SPTAN1: variants seen among roughly 807,000 people sequenced by gnomAD.
SPTAN1 encodes spectrin alpha chain, non-erythrocytic 1.
In SPTAN1, 61 loss-of-function variants were observed where a neutral mutation model predicts 331.3. The observed-to-expected ratio is 0.18, with a 90% confidence interval of 0.15 to 0.23. The LOEUF (loss-of-function observed/expected upper bound fraction) is 0.23, where lower values mean the gene tolerates loss of function less well. Ranked by LOEUF, SPTAN1 falls within the 10% of genes least tolerant of loss-of-function variation. The pLI, the probability that SPTAN1 is intolerant of heterozygous loss-of-function variation, is 1.00. For synonymous variants in SPTAN1, 1,153 were observed against 1,173.9 expected (o/e 0.98, Z 0.36); for missense variants, 2,043 against 3,147.9 (o/e 0.65, Z 8.40).
At chr9:128,555,355 C>T (rs1473360321) in intron 1 of SPTAN1, 1 of 1,289,498 alleles carries the variant, frequency 7.8e-7, no homozygotes, top group Non-Finnish European at 1.0e-6. Context: ...TTAGACTCCA[C>T]ATTCCTCCAT....
chr9:128,579,629 T>G lies in SPTAN1; in HGVS notation c.1222-8T>G. 6.2e-7 allele frequency: 1 copy of G among 1,612,378 alleles called. No homozygotes were observed. The highest frequency in any genetic ancestry group is 8.5e-7 in the Non-Finnish European group (1 of 1,178,410). Reference sequence around the variant, plus strand: ...CACAAATCATGGCTTTGTTTTTTTCTCCTGTAGGGTGAAATTGATGCCCAT... The same window carrying G: ...CACAAATCATGGCTTTGTTTTTTTCGCCTGTAGGGTGAAATTGATGCCCAT... On this transcript the variant is annotated splice_region_variant and splice_polypyrimidine_tract_variant and intron_variant, in intron 9 of 56. Transcript: ENST00000372739.
intron 45 of SPTAN1, chr9:128,622,152 T>G (rs1857952129): frequency 6.6e-6 from 1 of 152,198 alleles, no homozygotes; most frequent in Non-Finnish European, 1.5e-5. Flanking sequence ...GAAACTAATT[T>G]CAGCTACAGC....
At chr9:128,553,503 T>C (rs1455701370) in intron 1 of SPTAN1, 3 of 152,230 alleles carry the variant, frequency 2.0e-5, no homozygotes, top group Non-Finnish European at 4.4e-5. Flanking sequence ...CACTGTTGAA[T>C]GATAGAACAG....
At chr9:128,594,804 CT>C (rs10594067) in intron 24 of SPTAN1, among the ~76,000 whole-genome samples, 7,983 of 90,548 alleles carry the variant, frequency 0.088, 98 homozygotes, top group African/African-American at 0.099. Context: ...ATGTATGTAG[CT>C]TTTTTTTTTT....
At chr9:128,583,011 G>A in intron 14 of SPTAN1, 66 bp from the exon 15 acceptor site, 1 of 1,584,986 alleles carries the variant, frequency 6.3e-7, no homozygotes, top group South Asian at 1.1e-5. Context: ...TAAGTATGAA[G>A]GTAGTGCAAG....
rs1463600308 is a variant in SPTAN1, at chr9:128,625,509, G to T, written c.6070-260G>T. ...ACGGTCAGGGAGAGAGGCAGGGCGA[G>T]TGTTCTGGGCAGAGCTGGCAGGGAT... is the stretch of plus-strand genomic sequence containing the variant. On this transcript the variant is annotated intron_variant, in intron 47 of 56. Coordinates refer to ENST00000372739, the MANE Select transcript of SPTAN1 (RefSeq NM_001130438.3). This position sits in a 1 kb window ranked among gnomAD's most constrained non-coding sequence, Gnocchi z 4.1. Among the ~76,000 whole-genome samples the T allele has an allele frequency of 5.9e-5, 9 of 152,200 alleles. No homozygotes were observed. The highest frequency in any genetic ancestry group is 5.9e-4 in the Admixed American group (9 of 15,268).
At chr9:128,581,400 G>C (rs1236101090) in intron 11 of SPTAN1, among the ~76,000 whole-genome samples, 1 of 149,372 alleles carries the variant, frequency 6.7e-6, no homozygotes, top group Non-Finnish European at 1.5e-5. Flanking sequence ...TTGAGCCCAG[G>C]AGCTCAAGGC....
At chr9:128,562,224 T>C (rs1849459621) in intron 1 of SPTAN1, among the ~76,000 whole-genome samples, 1 of 152,154 alleles carries the variant, frequency 6.6e-6, no homozygotes, top group African/African-American at 2.4e-5. Context: ...TGCCTCAGCC[T>C]CCCGAGTAGC....
At position 128,617,578 on chromosome 9, in the gene SPTAN1, GT is replaced by G. The variant is rs1321877583; in HGVS notation, c.5358-61del. 3 of 1,610,706 alleles carry G rather than the reference GT, an allele frequency of 1.9e-6. No homozygotes were observed. In the African/African-American group the frequency reaches 4.0e-5, roughly 22 times the overall value. ...CTGTGAGGTCCACAGTTGACCTGAT[GT>G]CCCCACTTGAAAGCAGGGAGGTGCA... On this transcript the variant is annotated intron_variant, in intron 41 of 56. Coordinates refer to ENST00000372739, the MANE Select transcript of SPTAN1 (RefSeq NM_001130438.3).
rs145232600 is a variant in SPTAN1 at position 128,592,633 on chromosome 9, G to A, written c.3156-350G>A. 3.9e-5 allele frequency among the ~76,000 whole-genome samples: 6 copies of A among 152,318 alleles called. No homozygotes were observed. In the East Asian group the frequency reaches 5.8e-4, roughly 15 times the overall value. On this transcript the variant is annotated intron_variant, in intron 22 of 56. Coordinates refer to ENST00000372739, the MANE Select transcript of SPTAN1 (RefSeq NM_001130438.3). ...ATATAAGAGGAAAAAGATCAAATACGTGGCTAAATTGCCTGTTAGCACTCA... is the reference window on the plus strand; with the variant it reads ...ATATAAGAGGAAAAAGATCAAATACATGGCTAAATTGCCTGTTAGCACTCA...
intron 22 of SPTAN1, among the ~76,000 whole-genome samples, chr9:128,592,121 C>T (rs1389779549): frequency 6.6e-6 from 1 of 152,106 alleles, no homozygotes; most frequent in Non-Finnish European, 1.5e-5. Context: ...CAGTTTTGGA[C>T]ACTTGGGAAA....
intron 46 of SPTAN1, 83 bp downstream of exon 46, chr9:128,624,570 A>C: frequency 6.6e-7 from 1 of 1,524,934 alleles, no homozygotes; most frequent in Non-Finnish European, 8.9e-7. Flanking sequence ...TCTTCTGCAG[A>C]GAAGAAACTG....
chr9:128,595,529 T>A (rs1021630572), intron 24 of SPTAN1, among the ~76,000 whole-genome samples: 4 of 152,238 alleles, frequency 2.6e-5, no homozygotes, highest in Non-Finnish European at 4.4e-5. Flanking sequence ...TAAACTACAA[T>A]AGATGTGAAA....
rs769263723 is a variant in SPTAN1, at chr9:128,627,508, C to T, written c.6689+10C>T. ...GGATCCAAGAGACCAGGTGCCAGCC[C>T]GCTGGGGCCGGGGAGCAGCAGCATG... On this transcript the variant is annotated intron_variant, in intron 50 of 56. Coordinates refer to ENST00000372739, the MANE Select transcript of SPTAN1 (RefSeq NM_001130438.3). The surrounding 1 kb of genome is among the most constrained non-coding windows in gnomAD (Gnocchi z 4.9). The T allele has an allele frequency of 2.6e-5, 41 of 1,549,162 alleles. No individual in the cohort carries two copies. Among genetic ancestry groups the T allele is most frequent in the Middle Eastern group, 1.7e-4 (1 of 5,990 alleles).
chr9:128,564,292 G>A (rs762817564), intron 1 of SPTAN1, among the ~76,000 whole-genome samples: 35 of 152,218 alleles, frequency 2.3e-4, no homozygotes, highest in African/African-American at 7.5e-4. Context: ...CATGATGGGC[G>A]CCTGTAATCC....
chr9:128,608,691 A>G lies in SPTAN1; in HGVS notation c.4492-183A>G, dbSNP rs140456277. On this transcript the variant is annotated intron_variant, in intron 34 of 56. Coordinates refer to ENST00000372739, the MANE Select transcript of SPTAN1 (RefSeq NM_001130438.3). ...TCTTGAGTTAAACTCTACTCTAGTA[A>G]TGAATGAAATCAAGCTTTCTTTTGG... 6.0e-3 allele frequency among the ~76,000 whole-genome samples: 915 copies of G among 152,348 alleles called. 5 individuals are homozygous for G. Among genetic ancestry groups the G allele is most frequent in the African/African-American group, 0.021 (859 of 41,578 alleles).
At chr9:128,586,601 A>T (rs1460688684) in intron 19 of SPTAN1, among the ~76,000 whole-genome samples, 4 of 152,130 alleles carry the variant, frequency 2.6e-5, no homozygotes, top group Non-Finnish European at 5.9e-5. Flanking sequence ...ACATATATAC[A>T]TACCTACAAA....
chr9:128,579,750 G>T lies in SPTAN1; in HGVS notation c.1323+12G>T. On this transcript the variant is annotated intron_variant, in intron 10 of 56. Transcript: ENST00000372739. The stretch of plus-strand genomic sequence containing the variant: ...AAGTGAGGGAGAAGGTAAGAGAAGA[G>T]AAATGGAGCTTTTGAGGAGCAAATT... 1 of 1,610,114 alleles carries T rather than the reference G, an allele frequency of 6.2e-7. No homozygotes were observed. Among genetic ancestry groups the T allele is most frequent in the Non-Finnish European group, 8.5e-7 (1 of 1,176,644 alleles).
intron 40 of SPTAN1, among the ~76,000 whole-genome samples, chr9:128,614,143 C>G (rs1222982809): frequency 6.6e-6 from 1 of 151,772 alleles, no homozygotes; most frequent in Non-Finnish European, 1.5e-5. Context: ...GATACTATAC[C>G]AAAGTCATAG....
Sources: gnomAD v4.1 joint callset for allele counts (sites outside exome capture counted in the v4.1 genomes callset) on GRCh38, gnomAD v4.1.1 for gene constraint, Gnocchi (gnomAD v3.1) non-coding constraint, MANE v1.5 for transcripts, NCBI Gene and HGNC (gene_info 2026-07-23, HGNC 2026-07-21) for gene names.